The following SERPINI1 variants were observed in gnomAD, a reference collection of about 807,000 sequenced individuals.
The protein encoded by SERPINI1 is neuroserpin.
A neutral mutation model predicts 41.1 loss-of-function variants in SERPINI1; 19 were observed. The observed-to-expected ratio is 0.46, with a 90% confidence interval of 0.32 to 0.68. SERPINI1 has a LOEUF of 0.68. Among genes scored for constraint, SERPINI1 ranks in the 30% least tolerant of loss-of-function variants. SERPINI1 has a pLI of 0.03. For synonymous variants in SERPINI1, 138 were observed against 156.6 expected (o/e 0.88, Z 0.89); for missense variants, 460 against 479.2 (o/e 0.96, Z 0.37).
chr3:167,748,960 G>A lies in SERPINI1; in HGVS notation c.-19+13137G>A, dbSNP rs565210532. ...ACTGATGAAGAGGAGTAAGTTTTGA[G>A]TCAAGCAGCAGGAAAAGAAAGAATA... is the stretch of plus-strand genomic sequence containing the variant. On this transcript the variant is annotated intron_variant, in intron 1 of 8. Coordinates refer to ENST00000446050, the MANE Select transcript of SERPINI1 (RefSeq NM_001122752.2). Among the ~76,000 whole-genome samples the A allele has an allele frequency of 6.6e-4, 101 of 152,178 alleles. 1 individual carries two copies. The South Asian group carries it at 0.021, about 31-fold the overall frequency.
intron 1 of SERPINI1, among the ~76,000 whole-genome samples, chr3:167,785,070 G>C (rs112998180): frequency 6.6e-6 from 1 of 151,944 alleles, no homozygotes; most frequent in Non-Finnish European, 1.5e-5. Flanking sequence ...GTGAAACCCC[G>C]TCTCTACTAA....
intron 4 of SERPINI1, among the ~76,000 whole-genome samples, chr3:167,793,596 A>ATATATATATATATATATATTTTTT: frequency 7.1e-6 from 1 of 140,608 alleles, no homozygotes; most frequent in African/African-American, 2.7e-5. Flanking sequence ...ATATATATAT[A>ATATATATATATATATATATTTTTT]TTTTTAATTA....
intron 5 of SERPINI1, among the ~76,000 whole-genome samples, chr3:167,796,572 T>A (rs1287719608): frequency 2.0e-5 from 3 of 152,120 alleles, no homozygotes; most frequent in Non-Finnish European, 4.4e-5. Flanking sequence ...GTGTTCTAAT[T>A]GTTCAGCTCC....
At chr3:167,756,302 C>A (rs1726190588) in intron 1 of SERPINI1, among the ~76,000 whole-genome samples, 2 of 151,798 alleles carry the variant, frequency 1.3e-5, no homozygotes, top group Non-Finnish European at 2.9e-5. Flanking sequence ...CTGACCCAAC[C>A]CCCACATTTT....
Position 167,779,213 on chromosome 3 carries a change from T to A in SERPINI1, c.-18-9898T>A, listed in dbSNP as rs183116387. 1.9e-4 allele frequency among the ~76,000 whole-genome samples: 29 copies of A among 152,312 alleles called. No homozygotes were observed. The East Asian group carries it at 3.5e-3, about 18-fold the overall frequency. ...AAAATTTCTAGCTTAAAAATTTTTT[T>A]AAACCGATTAAATGGTAATTATTTT... On this transcript the variant is annotated intron_variant, in intron 1 of 8. Transcript: ENST00000446050.
At chr3:167,747,571 G>A (rs1295863287) in intron 1 of SERPINI1, among the ~76,000 whole-genome samples, 4 of 152,140 alleles carry the variant, frequency 2.6e-5, no homozygotes, top group African/African-American at 9.7e-5. Flanking sequence ...GTGAACCCGG[G>A]AGGCGGAACT....
intron 6 of SERPINI1, among the ~76,000 whole-genome samples, chr3:167,809,681 G>A (rs1324921211): frequency 6.6e-6 from 1 of 152,088 alleles, no homozygotes; most frequent in Non-Finnish European, 1.5e-5. Flanking sequence ...CGTGGGAATT[G>A]AATCCTTCTC....
chr3:167,778,930 G>A (rs1012470517), intron 1 of SERPINI1, among the ~76,000 whole-genome samples: 2 of 152,224 alleles, frequency 1.3e-5, no homozygotes, highest in Admixed American at 1.3e-4. Flanking sequence ...TTAGAAGCAA[G>A]ATGACATCAG....
intron 6 of SERPINI1, among the ~76,000 whole-genome samples, chr3:167,820,718 G>C (rs9817973): frequency 0.19 from 28,875 of 152,204 alleles, 3,535 homozygotes; most frequent in African/African-American, 0.35. Context: ...GGGTACTGTG[G>C]AGGGCAGGCC....
intron 1 of SERPINI1, among the ~76,000 whole-genome samples, chr3:167,772,934 A>C (rs1726835598): frequency 7.9e-6 from 1 of 126,918 alleles, no homozygotes; most frequent in Non-Finnish European, 1.6e-5. Flanking sequence ...GCATATATAC[A>C]TATACATATA....
At chr3:167,787,740 C>A (rs1727359548) in intron 1 of SERPINI1, among the ~76,000 whole-genome samples, 1 of 152,162 alleles carries the variant, frequency 6.6e-6, no homozygotes, top group African/African-American at 2.4e-5. Context: ...CATACAAATG[C>A]AGGAGGGTGA....
At chr3:167,821,662 C>A (rs143561066) in intron 6 of SERPINI1, among the ~76,000 whole-genome samples, 5 of 152,304 alleles carry the variant, frequency 3.3e-5, no homozygotes, top group African/African-American at 9.6e-5. Flanking sequence ...GCACAATGAA[C>A]CCAGCAGGCC....
intron 6 of SERPINI1, among the ~76,000 whole-genome samples, chr3:167,821,238 C>T (rs1712314163): frequency 1.3e-5 from 2 of 152,124 alleles, no homozygotes; most frequent in South Asian, 4.1e-4. Flanking sequence ...GAAACATGCC[C>T]CTTGCTCGCC....
At chr3:167,806,321 T>C (rs946732778) in intron 5 of SERPINI1, among the ~76,000 whole-genome samples, 1 of 150,852 alleles carries the variant, frequency 6.6e-6, no homozygotes, top group Non-Finnish European at 1.5e-5. Flanking sequence ...GGGTCCTGTC[T>C]GAGGGGGTAG....
At chr3:167,752,481 C>A (rs1159927867) in intron 1 of SERPINI1, among the ~76,000 whole-genome samples, 1 of 152,120 alleles carries the variant, frequency 6.6e-6, no homozygotes, top group African/African-American at 2.4e-5. Flanking sequence ...TTACCTCTGT[C>A]TTGTCCAATT....
chr3:167,793,694 A>C (rs1727608802), intron 4 of SERPINI1, among the ~76,000 whole-genome samples: 1 of 151,248 alleles, frequency 6.6e-6, no homozygotes, highest in Non-Finnish European at 1.5e-5. Context: ...TTGAGGCTGC[A>C]GTGAGCTATG....
intron 1 of SERPINI1, among the ~76,000 whole-genome samples, chr3:167,752,380 C>T (rs1393905392): frequency 6.6e-6 from 1 of 152,148 alleles, no homozygotes; most frequent in Admixed American, 6.5e-5. Context: ...TTGTTCCAGC[C>T]TTCTCCATCT....
intron 5 of SERPINI1, among the ~76,000 whole-genome samples, chr3:167,800,793 C>CTGTTTTGTTTTGTTTTGTTTTGTTT (rs10647517): frequency 8.9e-4 from 135 of 151,692 alleles, no homozygotes; most frequent in African/African-American, 3.1e-3. Context: ...TTTGTTGTTG[C>CTGTTTTGTTTTGTTTTGTTTTGTTT]TGTTTTGTTT....
chr3:167,812,884 A>G (rs1711941329), intron 6 of SERPINI1, among the ~76,000 whole-genome samples: 2 of 152,198 alleles, frequency 1.3e-5, no homozygotes, highest in Admixed American at 1.3e-4. Context: ...ATCTACTTGC[A>G]GCGAGGATCC....
Sources: allele counts gnomAD v4.1 joint callset (sites outside exome capture counted in the v4.1 genomes callset), GRCh38; gene constraint gnomAD v4.1.1; transcripts MANE v1.5; gene names NCBI Gene and HGNC (gene_info 2026-07-23, HGNC 2026-07-21).